The following CLSTN2 variants were observed in gnomAD, a reference collection of about 807,000 sequenced individuals.
CLSTN2 encodes the protein calsyntenin-2.
In CLSTN2, 48 loss-of-function variants were observed where a neutral mutation model predicts 101.2. The observed-to-expected ratio is 0.47, with a 90% CI of 0.38 to 0.60. CLSTN2 has a LOEUF of 0.60. Among genes scored for constraint, CLSTN2 ranks in the 20% least tolerant of loss-of-function variants. CLSTN2 has a pLI of 0.00. For synonymous variants in CLSTN2, 481 were observed against 463.6 expected (o/e 1.04, Z -0.48); for missense variants, 1,160 against 1,238.2 (o/e 0.94, Z 0.95).
chr3:140,062,519 C>A (rs1255843826), intron 1 of CLSTN2, among the ~76,000 whole-genome samples: 1 of 152,202 alleles, frequency 6.6e-6, no homozygotes, highest in South Asian at 2.1e-4. Flanking sequence ...TCCATGTGAG[C>A]AGACTTCAGC....
At chr3:140,178,596 A>G (rs868281400) in intron 2 of CLSTN2, among the ~76,000 whole-genome samples, 1 of 152,252 alleles carries the variant, frequency 6.6e-6, no homozygotes, top group South Asian at 2.1e-4. Flanking sequence ...GGAGTAAAAA[A>G]TAAAGGTGGT....
intron 1 of CLSTN2, among the ~76,000 whole-genome samples, chr3:140,094,562 G>C (rs113595028): frequency 6.6e-6 from 1 of 152,024 alleles, no homozygotes; most frequent in Non-Finnish European, 1.5e-5. Context: ...AACCTCTAGA[G>C]GGAAGAAAGG....
intron 8 of CLSTN2, among the ~76,000 whole-genome samples, chr3:140,496,721 T>G (rs1012586384): frequency 1.3e-5 from 2 of 152,184 alleles, no homozygotes; most frequent in Non-Finnish European, 2.9e-5. Flanking sequence ...GACCTGTTGT[T>G]GGCCTGGATG....
intron 1 of CLSTN2, among the ~76,000 whole-genome samples, chr3:139,990,331 C>T (rs541849651): frequency 3.3e-5 from 5 of 152,218 alleles, no homozygotes; most frequent in Admixed American, 1.3e-4. Context: ...TGGGAGCACT[C>T]TGTGGAATAT....
intron 6 of CLSTN2, 66 bp from the exon 7 acceptor site, chr3:140,459,455 G>A (rs1933501628): frequency 6.3e-7 from 1 of 1,581,558 alleles, no homozygotes; most frequent in Non-Finnish European, 8.6e-7. Context: ...CCTTGACCCA[G>A]GAGCAGAAAA....
At chr3:140,262,552 A>G (rs2086662370) in intron 2 of CLSTN2, among the ~76,000 whole-genome samples, 1 of 152,204 alleles carries the variant, frequency 6.6e-6, no homozygotes. Flanking sequence ...AAAAAGTGGC[A>G]AGATGAATGG....
intron 2 of CLSTN2, among the ~76,000 whole-genome samples, chr3:140,180,441 G>A (rs866750074): frequency 3.3e-5 from 5 of 152,184 alleles, no homozygotes; most frequent in African/African-American, 1.2e-4. Flanking sequence ...CAGTGTCTGA[G>A]CTCTGTAGAT....
At chr3:140,108,929 G>T (rs1006750040) in intron 1 of CLSTN2, among the ~76,000 whole-genome samples, 2 of 152,136 alleles carry the variant, frequency 1.3e-5, no homozygotes, top group African/African-American at 4.8e-5. Context: ...TCACAGAGGG[G>T]CAGAGAGCAC....
chr3:140,413,849 C>A (rs1054807878), intron 4 of CLSTN2, among the ~76,000 whole-genome samples: 9 of 152,054 alleles, frequency 5.9e-5, no homozygotes, highest in Non-Finnish European at 5.9e-5. Context: ...CAAAATTCAT[C>A]CTTTCATGAT....
intron 1 of CLSTN2, among the ~76,000 whole-genome samples, chr3:140,057,957 G>A (rs76486688): frequency 0.011 from 1,700 of 152,244 alleles, 22 homozygotes; most frequent in Non-Finnish European, 0.016. Flanking sequence ...ATTTTCTGAG[G>A]CTTATGTCTG....
At chr3:140,014,201 T>C (rs2007149837) in intron 1 of CLSTN2, among the ~76,000 whole-genome samples, 2 of 152,040 alleles carry the variant, frequency 1.3e-5, no homozygotes, top group East Asian at 1.9e-4. Flanking sequence ...GCAGGGAGGA[T>C]GCAATTTTGT....
chr3:140,009,278 T>TACCA (rs2007022800), intron 1 of CLSTN2, among the ~76,000 whole-genome samples: 1 of 152,228 alleles, frequency 6.6e-6, no homozygotes, highest in Non-Finnish European at 1.5e-5. Context: ...CTGACCTTGG[T>TACCA]AAGTCATTGC....
rs1377489456 is a variant in CLSTN2, at chr3:140,329,692, C to T, written c.233-73937C>T. Among the ~76,000 whole-genome samples, 3 of 152,124 alleles carry T rather than the reference C, an allele frequency of 2.0e-5. No individual in the cohort carries two copies. In the East Asian group the frequency reaches 5.8e-4, roughly 29 times the overall value. On this transcript the variant is annotated intron_variant, in intron 2 of 16. Coordinates refer to ENST00000458420, the MANE Select transcript of CLSTN2 (RefSeq NM_022131.3). ...TAGGTCTATTTATGGGGTAAAGATC[C>T]AAGCTCTGATCAATGGTCTCTCATC...
At chr3:140,394,115 A>G (rs893745204) in intron 2 of CLSTN2, among the ~76,000 whole-genome samples, 9 of 152,150 alleles carry the variant, frequency 5.9e-5, no homozygotes, top group Non-Finnish European at 1.3e-4. Context: ...AAACTGTCTG[A>G]CAGTTAAACT....
intron 2 of CLSTN2, among the ~76,000 whole-genome samples, chr3:140,250,600 G>A (rs1037582596): frequency 6.6e-6 from 1 of 152,200 alleles, no homozygotes; most frequent in African/African-American, 2.4e-5. Flanking sequence ...CAGAGCTGCT[G>A]TCCCTGCAAG....
intron 12 of CLSTN2, among the ~76,000 whole-genome samples, chr3:140,561,255 G>C (rs763028839): frequency 1.3e-5 from 2 of 152,090 alleles, no homozygotes; most frequent in Non-Finnish European, 2.9e-5. Flanking sequence ...TCAGTGAGAT[G>C]GGGATAGTAA....
At chr3:140,550,100 C>G (rs962980387) in intron 10 of CLSTN2, among the ~76,000 whole-genome samples, 4 of 151,514 alleles carry the variant, frequency 2.6e-5, no homozygotes, top group African/African-American at 9.7e-5. Context: ...GAACTAGACA[C>G]TCCTAGGTTC....
chr3:140,263,462 A>G (rs1404148472), intron 2 of CLSTN2, among the ~76,000 whole-genome samples: 1 of 152,210 alleles, frequency 6.6e-6, no homozygotes, highest in Admixed American at 6.5e-5. Context: ...TTGCTCACTC[A>G]GGCAGGTTGT....
chr3:140,088,695 A>G (rs2008719226), intron 1 of CLSTN2, among the ~76,000 whole-genome samples: 1 of 152,148 alleles, frequency 6.6e-6, no homozygotes, highest in Non-Finnish European at 1.5e-5. Flanking sequence ...GAGACTGTCA[A>G]TACTGGATTG....
Sources: allele counts gnomAD v4.1 joint callset (sites outside exome capture counted in the v4.1 genomes callset), GRCh38; gene constraint gnomAD v4.1.1; transcripts MANE v1.5; gene names NCBI Gene and HGNC (gene_info 2026-07-23, HGNC 2026-07-21).